GAS7: variants seen among roughly 807,000 people sequenced by gnomAD.
GAS7 encodes the protein growth arrest-specific protein 7.
In GAS7, 28 loss-of-function variants were observed where a neutral mutation model predicts 71.1. The observed-to-expected ratio is 0.39, with a 90% CI of 0.29 to 0.54. The LOEUF is 0.54. Ranked by LOEUF, GAS7 falls within the 20% of genes least tolerant of loss-of-function variation. GAS7 has a pLI of 0.62. For missense variants in GAS7, 436 were observed against 627.8 expected, an observed-to-expected ratio of 0.69 and a Z score of 3.27; for synonymous variants, 258 against 245.8, an observed-to-expected ratio of 1.05 and a Z score of -0.46.
In GAS7 at chr17:9,925,618, G is replaced by C. The variant is rs551896410; in HGVS notation, c.1015-19C>G. The C allele has an allele frequency of 8.1e-6, 13 of 1,614,006 alleles. No homozygotes were observed. The African/African-American group carries it at 1.7e-4, about 22-fold the overall frequency. ...TCCGGGCCTGGGGTCCAAGGACACG[G>C]AGAAGCTGCTCATACAGCTCGGAGC... On this transcript the variant is annotated intron_variant, in intron 10 of 13. Coordinates refer to ENST00000432992, the MANE Select transcript of GAS7 (RefSeq NM_201433.2).
chr17:10,010,179 T>C (rs181019867), intron 2 of GAS7, among the ~76,000 whole-genome samples: 235 of 152,052 alleles, frequency 1.5e-3, no homozygotes, highest in African/African-American at 5.2e-3. Context: ...GGGGGGCGTC[T>C]CCCTCTGTTG....
rs984701056 is a variant in GAS7, at chr17:9,916,840, C to A, written c.*388G>T. The A allele has an allele frequency of 7.0e-6, 3 of 431,154 alleles. No individual in the cohort carries two copies. Among genetic ancestry groups the A allele is most frequent in the African/African-American group, 4.0e-5 (2 of 50,452 alleles). 26.7% of individuals were successfully genotyped at this position (431,154 alleles called of 1,614,324 possible). ...GAGACAGAGCCCTCCCTACCCTGAT[C>A]CTCCAAAGCCCTGGAGACAAGGGAG... On this transcript the variant is annotated 3_prime_UTR_variant, in exon 14 of 14. Coordinates refer to ENST00000432992, the MANE Select transcript of GAS7 (RefSeq NM_201433.2).
intron 1 of GAS7, among the ~76,000 whole-genome samples, chr17:10,150,607 T>TTTTTTTTA (rs1555537609): frequency 6.7e-6 from 1 of 150,108 alleles, no homozygotes; most frequent in Non-Finnish European, 1.5e-5. Flanking sequence ...TTTTTTTTTT[T>TTTTTTTTA]AGACAGGGTC....
intron 4 of GAS7, among the ~76,000 whole-genome samples, chr17:9,967,813 G>A (rs2069783267): frequency 1.3e-5 from 2 of 152,118 alleles, no homozygotes; most frequent in African/African-American, 4.8e-5. Context: ...GAATAGCCTT[G>A]CACATAAATC....
chr17:9,966,633 C>A (rs780807267), intron 4 of GAS7, among the ~76,000 whole-genome samples: 1 of 152,128 alleles, frequency 6.6e-6, no homozygotes, highest in African/African-American at 2.4e-5. Flanking sequence ...CCTTCTTAAC[C>A]TATTTGTATG....
intron 1 of GAS7, among the ~76,000 whole-genome samples, chr17:10,184,925 C>CT (rs58498116): frequency 4.0e-4 from 52 of 130,856 alleles, no homozygotes; most frequent in South Asian, 9.7e-4. Context: ...TATAAAAACT[C>CT]TTTTTTTTTT....
chr17:10,054,856 TG>T (rs1163192195), intron 1 of GAS7, among the ~76,000 whole-genome samples: 1 of 151,978 alleles, frequency 6.6e-6, no homozygotes, highest in Non-Finnish European at 1.5e-5. Context: ...TCCCTGAGCC[TG>T]GGCCTAACCT....
chr17:10,100,709 C>T (rs2073690215), intron 1 of GAS7, among the ~76,000 whole-genome samples: 1 of 152,132 alleles, frequency 6.6e-6, no homozygotes, highest in Admixed American at 6.5e-5. Context: ...TTTTTCCCCT[C>T]TTTGGAATTA....
chr17:10,124,832 C>G (rs958863205), intron 1 of GAS7, among the ~76,000 whole-genome samples: 1 of 152,022 alleles, frequency 6.6e-6, no homozygotes, highest in Non-Finnish European at 1.5e-5. Flanking sequence ...GCAAGAGAAT[C>G]GCTTGAACCC....
chr17:10,110,466 GTTCTT>G (rs949485494), intron 1 of GAS7, among the ~76,000 whole-genome samples: 7 of 152,116 alleles, frequency 4.6e-5, no homozygotes, highest in African/African-American at 1.7e-4. Flanking sequence ...GAAGATATAA[GTTCTT>G]TTCTTTTTTT....
chr17:9,959,117 G>T lies in GAS7; in HGVS notation c.525+85C>A. The T allele has an allele frequency of 1.4e-6, 2 of 1,474,024 alleles. No homozygotes were observed. Among genetic ancestry groups the T allele is most frequent in the Non-Finnish European group, 1.8e-6 (2 of 1,088,984 alleles). The allele number at this position is 1,474,024 out of a possible 1,614,324, so 91.3% of individuals were successfully genotyped here. A position where few individuals can be genotyped will look rare whatever the true frequency, so the allele number is the denominator to read the frequency against. On this transcript the variant is annotated intron_variant, in intron 5 of 13. Transcript: ENST00000432992. The surrounding 1 kb of genome is among the most constrained non-coding windows in gnomAD (Gnocchi z 5.0). ...TCCAGGTTGGGCATCACTTCTGCTT[G>T]GCGGTCCACATCGCCATGGCAACAG...
rs371654756 is a variant in GAS7, at chr17:10,003,510, C to T, written c.304+16267G>A. On this transcript the variant is annotated intron_variant, in intron 2 of 13. Transcript: ENST00000432992. ...TTCAGAGTGGGAGCAGGACCCTATC[C>T]CAACATATTACTCCAATAGTTCATC... Among the ~76,000 whole-genome samples, 151 of 152,344 alleles carry T rather than the reference C, an allele frequency of 9.9e-4. 1 individual carries two copies. Among genetic ancestry groups the T allele is most frequent in the African/African-American group, 3.5e-3 (147 of 41,584 alleles).
At chr17:10,075,008 A>G (rs933171252) in intron 1 of GAS7, among the ~76,000 whole-genome samples, 2 of 152,114 alleles carry the variant, frequency 1.3e-5, no homozygotes, top group Non-Finnish European at 2.9e-5. Context: ...AAAACTCGAC[A>G]CTCATTTGTG....
intron 2 of GAS7, among the ~76,000 whole-genome samples, chr17:9,983,796 T>A (rs544478819): frequency 6.6e-6 from 1 of 151,970 alleles, no homozygotes; most frequent in African/African-American, 2.4e-5. Flanking sequence ...CAAAAATAAA[T>A]AAACAAATAA....
At chr17:10,126,407 TGCAAACACGCACAC>T (rs2073948537) in intron 1 of GAS7, among the ~76,000 whole-genome samples, 1 of 142,382 alleles carries the variant, frequency 7.0e-6, no homozygotes, top group African/African-American at 2.6e-5. Flanking sequence ...CACACAAACG[TGCAAACACGCACAC>T]ACAAACACGC....
At chr17:10,019,444 T>C (rs773445446) in intron 2 of GAS7, among the ~76,000 whole-genome samples, 1 of 152,136 alleles carries the variant, frequency 6.6e-6, no homozygotes, top group African/African-American at 2.4e-5. Context: ...CTGTTGACCA[T>C]AGAACCTTTT....
At chr17:10,008,877 A>C (rs2071642417) in intron 2 of GAS7, among the ~76,000 whole-genome samples, 1 of 152,144 alleles carries the variant, frequency 6.6e-6, no homozygotes, top group Non-Finnish European at 1.5e-5. Flanking sequence ...ACATTTGCTC[A>C]ACACAGATGG....
chr17:10,133,697 T>C (rs938162278), intron 1 of GAS7, among the ~76,000 whole-genome samples: 7 of 151,810 alleles, frequency 4.6e-5, no homozygotes, highest in African/African-American at 1.5e-4. Context: ...CCGCAACCCA[T>C]AGCCCCACCC....
At chr17:10,171,781 T>TTACC (rs201921429) in intron 1 of GAS7, among the ~76,000 whole-genome samples, 18 of 152,204 alleles carry the variant, frequency 1.2e-4, no homozygotes, top group African/African-American at 3.9e-4. Flanking sequence ...TCTCTGAGCC[T>TTACC]TTATCTGAGA....
Sources: gnomAD v4.1 joint callset for allele counts (sites outside exome capture counted in the v4.1 genomes callset) on GRCh38, gnomAD v4.1.1 for gene constraint, Gnocchi (gnomAD v3.1) non-coding constraint, MANE v1.5 for transcripts, NCBI Gene and HGNC (gene_info 2026-07-23, HGNC 2026-07-21) for gene names.